ZRANB1: variants seen among roughly 807,000 people sequenced by gnomAD.
ZRANB1 encodes the protein ubiquitin thioesterase ZRANB1.
In ZRANB1, 16 loss-of-function variants were observed where a neutral mutation model predicts 80.5. The observed-to-expected ratio is 0.20, with a 90% CI of 0.13 to 0.30. The LOEUF (loss-of-function observed/expected upper bound fraction) is 0.30. ZRANB1 is among the 10% of genes least tolerant of loss of function. The probability of loss-of-function intolerance (pLI) is 1.00; values close to 1 mark genes in which losing one functional copy is unlikely to be tolerated. For synonymous variants in ZRANB1, 291 were observed against 293.1 expected, an observed-to-expected ratio of 0.99 and a Z score of 0.07; for missense variants, 576 against 862.6, an observed-to-expected ratio of 0.67 and a Z score of 4.16.
intron 1 of ZRANB1, among the ~76,000 whole-genome samples, chr10:124,948,233 T>C (rs1342519092): frequency 1.3e-5 from 2 of 152,216 alleles, no homozygotes; most frequent in Non-Finnish European, 2.9e-5. Context: ...TTCTCTTCCT[T>C]ATGATTTTCT....
At position 124,942,840 on chromosome 10, in the gene ZRANB1, C is replaced by T; in HGVS notation, c.347C>T (p.Pro116Leu). The T allele has an allele frequency of 6.2e-7, 1 of 1,614,188 alleles. No homozygotes were observed. Among genetic ancestry groups the T allele is most frequent in the Non-Finnish European group, 8.5e-7 (1 of 1,180,024 alleles). Residue 116 changes from proline (P) to leucine (L), a missense_variant, in exon 1 of 9, where the codon CCT becomes CTT. Around this residue, in one of 3 missense-constraint regions of ZRANB1, gnomAD observed 411 missense variants for 583.1 expected, o/e 0.70. Transcript: ENST00000359653. Reference sequence around the variant, plus strand: ...TTATCCCAACGTAGGACCAGGAGTCCTACAGAATCTCCTCAGTCCTCAGGA... The same window carrying T: ...TTATCCCAACGTAGGACCAGGAGTCTTACAGAATCTCCTCAGTCCTCAGGA... ...QCLSQRRTRSPTESPQSSGSG... is the reference protein window; with the variant it reads ...QCLSQRRTRSLTESPQSSGSG...
At chr10:124,932,877 A>G in the ZRANB1 span, among the ~76,000 whole-genome samples, 2 of 151,960 alleles carry the variant, frequency 1.3e-5, no homozygotes, top group African/African-American at 4.8e-5. Context: ...AAGATGTTCA[A>G]CATCTTTTCA....
At chr10:124,926,307 C>A in the ZRANB1 span, among the ~76,000 whole-genome samples, 1 of 152,138 alleles carries the variant, frequency 6.6e-6, no homozygotes, top group East Asian at 1.9e-4. Flanking sequence ...AACTTTTTAA[C>A]TTTATAAATT....
the ZRANB1 span, among the ~76,000 whole-genome samples, chr10:124,918,351 C>T: frequency 1.3e-5 from 2 of 152,040 alleles, no homozygotes; most frequent in African/African-American, 4.8e-5. Context: ...CCACCACGCC[C>T]GGCTAATTTT....
rs1230799681 is a variant in ZRANB1 at position 124,987,579 on chromosome 10, C to T, written c.*2587C>T. 2 of 152,122 alleles carry T rather than the reference C, an allele frequency of 1.3e-5. No homozygotes were observed. Among genetic ancestry groups the T allele is most frequent in the African/African-American group, 2.4e-5 (1 of 41,434 alleles). 9.4% of individuals were successfully genotyped at this position (152,122 alleles called of 1,614,324 possible). ...CCTCTTTGATGAGTGGTTACGAAGA[C>T]GTTAAACTACCTTTTTGTTCCCTGG... On this transcript the variant is annotated 3_prime_UTR_variant, in exon 9 of 9. Coordinates refer to ENST00000359653, the MANE Select transcript of ZRANB1 (RefSeq NM_017580.3).
At chr10:124,951,121 T>A (rs1951635391) in intron 1 of ZRANB1, among the ~76,000 whole-genome samples, 1 of 152,244 alleles carries the variant, frequency 6.6e-6, no homozygotes, top group Non-Finnish European at 1.5e-5. Context: ...TATTAAGAAT[T>A]ACGTATATAG....
intron 5 of ZRANB1, among the ~76,000 whole-genome samples, chr10:124,980,125 G>A (rs1343838804): frequency 1.3e-5 from 2 of 152,178 alleles, no homozygotes; most frequent in Non-Finnish European, 2.9e-5. Context: ...GGGTGATGGT[G>A]GTATTGCCAG....
the ZRANB1 span, among the ~76,000 whole-genome samples, chr10:124,934,061 G>T: frequency 6.6e-6 from 1 of 152,140 alleles, no homozygotes; most frequent in East Asian, 1.9e-4. Context: ...TTTTATTACA[G>T]TTTTTTCTAA....
At chr10:124,972,175 G>A in intron 3 of ZRANB1, 57 bp downstream of exon 3, 3 of 1,535,330 alleles carry the variant, frequency 2.0e-6, no homozygotes, top group Non-Finnish European at 2.7e-6. Context: ...TTACATTTGT[G>A]TATGTAGGTG....
intron 1 of ZRANB1, among the ~76,000 whole-genome samples, chr10:124,949,457 AT>A (rs778344974): frequency 1.1e-4 from 16 of 151,046 alleles, no homozygotes; most frequent in Non-Finnish European, 2.2e-4. Flanking sequence ...ATGTATATAT[AT>A]ATGTTTACAC....
intron 2 of ZRANB1, among the ~76,000 whole-genome samples, chr10:124,969,129 A>C (rs1951799441): frequency 6.6e-6 from 1 of 152,236 alleles, no homozygotes; most frequent in Non-Finnish European, 1.5e-5. Context: ...ATGATACAGC[A>C]GCTGGTTTTA....
chr10:124,979,755 G>A (rs1314679250), intron 5 of ZRANB1, among the ~76,000 whole-genome samples: 1 of 151,816 alleles, frequency 6.6e-6, no homozygotes, highest in Non-Finnish European at 1.5e-5. Flanking sequence ...CAGTTGTTTC[G>A]GTACCTTTAA....
intron 1 of ZRANB1, among the ~76,000 whole-genome samples, chr10:124,952,271 G>A (rs1443003622): frequency 2.0e-5 from 3 of 152,206 alleles, no homozygotes; most frequent in Non-Finnish European, 4.4e-5. Flanking sequence ...TGGGTGGGTG[G>A]TGTAATCACA....
intron 1 of ZRANB1, among the ~76,000 whole-genome samples, chr10:124,949,824 A>G (rs907332147): frequency 6.6e-6 from 1 of 152,166 alleles, no homozygotes; most frequent in African/African-American, 2.4e-5. Flanking sequence ...TGAAATACTC[A>G]GTTGCCCAAT....
chr10:124,979,019 T>G (rs955592724), intron 5 of ZRANB1, among the ~76,000 whole-genome samples: 12 of 152,052 alleles, frequency 7.9e-5, no homozygotes, highest in African/African-American at 2.7e-4. Context: ...GGCAACATAA[T>G]GAGACCCTGT....
At position 124,987,807 on chromosome 10, in the gene ZRANB1, GT is replaced by G; in HGVS notation, c.*2818del. ...AAGTATAAGGAAGAGCTCAGAGGGA[GT>G]TTCATACCTGGAATTGTTGGACTTA... On this transcript the variant is annotated 3_prime_UTR_variant, in exon 9 of 9. Transcript: ENST00000359653. 2 of 152,302 alleles carry G rather than the reference GT, an allele frequency of 1.3e-5. No individual in the cohort carries two copies. Among genetic ancestry groups the G allele is most frequent in the Admixed American group, 1.3e-4 (2 of 15,304 alleles). 9.4% of individuals were successfully genotyped at this position (152,302 alleles called of 1,614,324 possible).
upstream of ZRANB1, among the ~76,000 whole-genome samples, chr10:124,940,201 C>A (rs1271845415): frequency 3.3e-5 from 5 of 152,104 alleles, no homozygotes; most frequent in Non-Finnish European, 7.3e-5. Flanking sequence ...CTGACCAGCC[C>A]AGTTGATTAG....
the ZRANB1 span, among the ~76,000 whole-genome samples, chr10:124,934,759 A>G: frequency 1.3e-5 from 2 of 152,196 alleles, no homozygotes; most frequent in African/African-American, 4.8e-5. Context: ...TGGAGATACA[A>G]ATTTTTAAAT....
the ZRANB1 span, among the ~76,000 whole-genome samples, chr10:124,918,268 G>A: frequency 1.6e-4 from 25 of 152,136 alleles, no homozygotes; most frequent in Non-Finnish European, 3.7e-4. Context: ...TCGGCTCACC[G>A]CAACCTCCGC....
Sources: allele counts gnomAD v4.1 joint callset (sites outside exome capture counted in the v4.1 genomes callset), GRCh38; gene constraint gnomAD v4.1.1; regional missense constraint gnomAD v4.1.1; transcripts MANE v1.5; gene names NCBI Gene and HGNC (gene_info 2026-07-23, HGNC 2026-07-21).